The following TDP1 variants were observed in gnomAD, a reference collection of about 807,000 sequenced individuals.
TDP1 encodes the protein tyr-DNA phosphodiesterase 1.
Under a neutral mutation model 81.5 loss-of-function variants are expected in TDP1, and 64 were observed. That is an observed-to-expected ratio of 0.79 (90% CI 0.64 to 0.97). TDP1 has a LOEUF of 0.97. Among genes scored for constraint, TDP1 ranks in the 50% least tolerant of loss-of-function variants. TDP1 has a pLI of 0.00. For synonymous variants in TDP1, 256 were observed against 264.3 expected, an observed-to-expected ratio of 0.97 and a Z score of 0.30; for missense variants, 723 against 743.8, an observed-to-expected ratio of 0.97 and a Z score of 0.33.
chr14:89,995,807 C>G (rs1312847489), intron 14 of TDP1, among the ~76,000 whole-genome samples: 1 of 152,178 alleles, frequency 6.6e-6, no homozygotes, highest in Non-Finnish European at 1.5e-5. Flanking sequence ...AAGCTTAAAG[C>G]CTGAATGTCT....
intron 6 of TDP1, among the ~76,000 whole-genome samples, chr14:89,974,709 TG>T (rs2140030969): frequency 6.6e-6 from 1 of 152,330 alleles, no homozygotes; most frequent in Non-Finnish European, 1.5e-5. Flanking sequence ...GATCTCAGAA[TG>T]GTACCGTTTT....
rs1484589004 is a variant in TDP1 at position 90,043,162 on chromosome 14, A to G, written c.*19A>G. 1 of 1,614,192 alleles carries G rather than the reference A, an allele frequency of 6.2e-7. No individual in the cohort carries two copies. The highest frequency in any genetic ancestry group is 1.7e-5 in the Admixed American group (1 of 60,028). On this transcript the variant is annotated 3_prime_UTR_variant, in exon 17 of 17. Transcript: ENST00000335725. Reference sequence around the variant, plus strand: ...CTCCTGAGAATCTTGAGGCACTGTGAAATTTAAGTGTAAGACATTGAGCCA... The same window carrying G: ...CTCCTGAGAATCTTGAGGCACTGTGGAATTTAAGTGTAAGACATTGAGCCA...
At chr14:89,997,288 T>G (rs1896719972) in intron 14 of TDP1, among the ~76,000 whole-genome samples, 1 of 152,184 alleles carries the variant, frequency 6.6e-6, no homozygotes, top group Non-Finnish European at 1.5e-5. Flanking sequence ...GCCTGACATG[T>G]GGAGGCTGAT....
chr14:89,968,006 C>T (rs58917724), intron 5 of TDP1, among the ~76,000 whole-genome samples: 15,023 of 152,124 alleles, frequency 0.099, 1,935 homozygotes, highest in African/African-American at 0.3. Context: ...ATTCCCATAA[C>T]AGCAAGTAGG....
chr14:90,011,221 C>T (rs893018386), intron 14 of TDP1, among the ~76,000 whole-genome samples: 10 of 152,158 alleles, frequency 6.6e-5, no homozygotes. Flanking sequence ...ACCTCCTTTC[C>T]TTTATAAATT....
intron 4 of TDP1, chr14:89,966,841 G>C: frequency 3.4e-6 from 1 of 293,750 alleles, no homozygotes; most frequent in Non-Finnish European, 5.1e-6. Context: ...GAGCCTCCAC[G>C]GGTAAGACCA....
Position 89,975,582 on chromosome 14 carries a change from T to TG in TDP1, c.757-199_757-198insG, listed in dbSNP as rs1555385521. On this transcript the variant is annotated intron_variant, in intron 6 of 16. Coordinates refer to ENST00000335725, the MANE Select transcript of TDP1 (RefSeq NM_018319.4). The stretch of plus-strand genomic sequence containing the variant: ...ATCATTCTGGGTAACAAAATTTGTG[T>TG]TTTTTTTTTTTTTTTTTTTAATGAG... 1.3e-3 allele frequency: 219 copies of TG among 166,956 alleles called. 3 individuals are homozygous for TG. The highest frequency in any genetic ancestry group is 0.013 in the African/African-American group (135 of 10,344). The allele number at this position is 166,956 out of a possible 1,614,324, so 10.3% of individuals were successfully genotyped here.
intron 12 of TDP1, 83 bp from the exon 13 acceptor site, chr14:89,991,834 C>G: frequency 2.9e-6 from 4 of 1,364,944 alleles, no homozygotes; most frequent in Non-Finnish European, 4.0e-6. Flanking sequence ...TACCTTCTTG[C>G]TGTTTATTGT....
At chr14:90,010,608 G>A (rs751003705) in intron 14 of TDP1, among the ~76,000 whole-genome samples, 7 of 152,176 alleles carry the variant, frequency 4.6e-5, no homozygotes, top group Non-Finnish European at 1.0e-4. Context: ...AAAGGACTCA[G>A]CTAACCTCAC....
intron 16 of TDP1, among the ~76,000 whole-genome samples, chr14:90,041,899 C>T (rs575178619): frequency 2.6e-5 from 4 of 152,310 alleles, no homozygotes; most frequent in South Asian, 2.1e-4. Flanking sequence ...ATTTATTGAG[C>T]ACCTACAACA....
At chr14:90,018,782 A>G (rs1175947037) in intron 14 of TDP1, 3 of 168,732 alleles carry the variant, frequency 1.8e-5, no homozygotes, top group Non-Finnish European at 3.6e-5. Flanking sequence ...CTTTGAACAT[A>G]TAAAACATCA....
At chr14:89,973,681 A>G (rs1445840349) in intron 6 of TDP1, among the ~76,000 whole-genome samples, 1 of 152,144 alleles carries the variant, frequency 6.6e-6, no homozygotes, top group African/African-American at 2.4e-5. Flanking sequence ...TGGTGGTCAG[A>G]GTCACATTGC....
At chr14:90,009,544 G>A (rs560035822) in intron 14 of TDP1, among the ~76,000 whole-genome samples, 1 of 152,192 alleles carries the variant, frequency 6.6e-6, no homozygotes. Flanking sequence ...TCAGGATAGT[G>A]GTTTGGGGAA....
At chr14:89,972,133 C>A (rs193000537) in intron 6 of TDP1, among the ~76,000 whole-genome samples, 1 of 152,156 alleles carries the variant, frequency 6.6e-6, no homozygotes, top group Non-Finnish European at 1.5e-5. Flanking sequence ...TGAAGACATA[C>A]CTGAGACTGG....
intron 7 of TDP1, among the ~76,000 whole-genome samples, chr14:89,977,425 G>A (rs1041642535): frequency 1.3e-5 from 2 of 152,102 alleles, no homozygotes; most frequent in African/African-American, 4.8e-5. Context: ...AGCCTCCTGA[G>A]TTGCTGGGAC....
chr14:89,985,136 T>C lies in TDP1; in HGVS notation c.1057T>C (p.Tyr353His). The C allele has an allele frequency of 1.9e-6, 3 of 1,609,502 alleles. No individual in the cohort carries two copies. The highest frequency in any genetic ancestry group is 2.5e-6 in the Non-Finnish European group (3 of 1,176,950). The change falls in exon 10 of 17, where the codon TAT becomes CAT. Residue 353 changes from tyrosine to histidine, a missense_variant. Tyr to His is a moderately conservative substitution (Grantham distance 83, BLOSUM62 2). Coordinates refer to ENST00000335725, the MANE Select transcript of TDP1 (RefSeq NM_018319.4). ...HKHDLSETNV[Y>H]LIGSTPGRFQ... Reference sequence around the variant, plus strand: ...TGTGTTTTTATGTCTTTTTAGTGTTTATCTTATTGGTTCAACCCCAGGACG... The same window carrying C: ...TGTGTTTTTATGTCTTTTTAGTGTTCATCTTATTGGTTCAACCCCAGGACG...
intron 14 of TDP1, among the ~76,000 whole-genome samples, chr14:90,001,961 T>A (rs1019970508): frequency 2.6e-5 from 4 of 152,166 alleles, no homozygotes; most frequent in Admixed American, 6.5e-5. Flanking sequence ...GTGAGCAAGG[T>A]GCCTGATCTT....
chr14:89,993,527 T>G, intron 14 of TDP1, 44 bp downstream of exon 14: 2 of 1,602,700 alleles, frequency 1.2e-6, no homozygotes, highest in East Asian at 4.5e-5. Flanking sequence ...CTTTTTAATG[T>G]GTTCATAATT....
chr14:89,967,801 G>A (rs1383161147), intron 5 of TDP1, among the ~76,000 whole-genome samples: 1 of 152,166 alleles, frequency 6.6e-6, no homozygotes, highest in Non-Finnish European at 1.5e-5. Context: ...ATTCTGTTCT[G>A]TTTTGAGGAT....
Sources: allele counts gnomAD v4.1 joint callset (sites outside exome capture counted in the v4.1 genomes callset), GRCh38; gene constraint gnomAD v4.1.1; transcripts MANE v1.5; gene names NCBI Gene and HGNC (gene_info 2026-07-23, HGNC 2026-07-21).